NMNAT2: variants seen among roughly 807,000 people sequenced by gnomAD.
NMNAT2 encodes the protein nicotinamide nucleotide adenylyltransferase 2.
A neutral mutation model predicts 41.6 loss-of-function variants in NMNAT2; 11 were observed. That is an observed-to-expected ratio of 0.26 (90% CI 0.17 to 0.44). The LOEUF is 0.44. Ranked by LOEUF, NMNAT2 falls within the 20% of genes least tolerant of loss-of-function variation. The probability of loss-of-function intolerance (pLI) is 1.00; values close to 1 mark genes in which losing one functional copy is unlikely to be tolerated. For synonymous variants in NMNAT2, 148 were observed against 151.2 expected (o/e 0.98, Z 0.16); for missense variants, 288 against 407.7 (o/e 0.71, Z 2.53).
intron 1 of NMNAT2, among the ~76,000 whole-genome samples, chr1:183,331,004 TTCTCTCTC>T (rs1042033395): frequency 6.6e-6 from 1 of 152,046 alleles, no homozygotes; most frequent in Admixed American, 6.6e-5. Context: ...ATTTCTTTTT[TTCTCTCTC>T]TCTCCCCTCC....
chr1:183,279,985 G>A (rs1031340347), intron 7 of NMNAT2, among the ~76,000 whole-genome samples: 3 of 152,246 alleles, frequency 2.0e-5, no homozygotes, highest in Non-Finnish European at 4.4e-5. Context: ...TGACAACAGA[G>A]ATCCTGCAGG....
rs751140937 is a variant in NMNAT2 at position 183,281,733 on chromosome 1, G to C, written c.574+2262C>G. 6.4e-4 allele frequency among the ~76,000 whole-genome samples: 97 copies of C among 152,224 alleles called. 1 individual carries two copies. Among genetic ancestry groups the C allele is most frequent in the Non-Finnish European group, 1.8e-4 (12 of 68,040 alleles). On this transcript the variant is annotated intron_variant, in intron 7 of 10. Transcript: ENST00000287713. The stretch of plus-strand genomic sequence containing the variant: ...GCCCAACAGCCTGTGGTCTAGGGCA[G>C]CCCTGGAGGAGCAGTCAGCTGTTAG...
chr1:183,284,051 A>G lies in NMNAT2; in HGVS notation c.530-12T>C. On this transcript the variant is annotated splice_polypyrimidine_tract_variant and intron_variant, in intron 6 of 10. Coordinates refer to ENST00000287713, the MANE Select transcript of NMNAT2 (RefSeq NM_015039.4). ...ATTGGCATTCTCATCTAAGGAGGAA[A>G]GAAGGAAGGTAGGGCATTAGGGAAC... The G allele has an allele frequency of 2.5e-6, 4 of 1,609,682 alleles. No homozygotes were observed. The African/African-American group carries it at 5.3e-5, about 21-fold the overall frequency.
chr1:183,310,996 C>T (rs897579757), intron 1 of NMNAT2, among the ~76,000 whole-genome samples: 3 of 152,168 alleles, frequency 2.0e-5, no homozygotes, highest in African/African-American at 4.8e-5. Flanking sequence ...GCTACCCACG[C>T]GGTCGTAAGA....
At chr1:183,407,675 T>A (rs10797880) in intron 1 of NMNAT2, among the ~76,000 whole-genome samples, 12,189 of 152,236 alleles carry the variant, frequency 0.08, 531 homozygotes, top group Admixed American at 0.11. Flanking sequence ...CACAATGTGC[T>A]AAGTACTATA....
chr1:183,369,757 C>T (rs941156400), intron 1 of NMNAT2, among the ~76,000 whole-genome samples: 1 of 152,112 alleles, frequency 6.6e-6, no homozygotes, highest in Non-Finnish European at 1.5e-5. Context: ...TAAACACGAA[C>T]TCCCCATTCC....
rs1557897761 is a variant in NMNAT2 at position 183,389,828 on chromosome 1, GAAAGAAAGAAAGAA to G, written c.85+28341_85+28354del. The stretch of plus-strand genomic sequence containing the variant: ...AGAAAGAAAGAAAGAAAGAAAGAAA[GAAAGAAAGAAAGAA>G]AGGAAAAAAGAGAAAGAAAGAAAGA... On this transcript the variant is annotated intron_variant, in intron 1 of 10. Coordinates refer to ENST00000287713, the MANE Select transcript of NMNAT2 (RefSeq NM_015039.4). Among the ~76,000 whole-genome samples, 11 of 53,068 alleles carry G rather than the reference GAAAGAAAGAAAGAA, an allele frequency of 2.1e-4. 1 individual carries two copies. The highest frequency in any genetic ancestry group is 1.0e-3 in the East Asian group (1 of 964). The allele number at this position is 53,068 out of a possible 152,430, so 34.8% of individuals were successfully genotyped here.
At chr1:183,364,097 G>A (rs1557890185) in intron 1 of NMNAT2, among the ~76,000 whole-genome samples, 1 of 152,174 alleles carries the variant, frequency 6.6e-6, no homozygotes, top group African/African-American at 2.4e-5. Context: ...AATAAGCATT[G>A]AATGTGTGGC....
intron 8 of NMNAT2, among the ~76,000 whole-genome samples, chr1:183,278,220 A>C (rs1490357294): frequency 6.6e-6 from 1 of 152,188 alleles, no homozygotes; most frequent in African/African-American, 2.4e-5. Flanking sequence ...CAAAACACAC[A>C]ATAATCTTAA....
At chr1:183,416,759 A>T (rs978938665) in intron 1 of NMNAT2, among the ~76,000 whole-genome samples, 1 of 152,184 alleles carries the variant, frequency 6.6e-6, no homozygotes, top group Non-Finnish European at 1.5e-5. Flanking sequence ...AAGCGAGCCC[A>T]GTTCAGCGCA....
At chr1:183,390,486 T>G (rs1648447496) in intron 1 of NMNAT2, among the ~76,000 whole-genome samples, 1 of 152,178 alleles carries the variant, frequency 6.6e-6, no homozygotes, top group Non-Finnish European at 1.5e-5. Flanking sequence ...ACATCATAAT[T>G]GTCTCACATA....
intron 1 of NMNAT2, among the ~76,000 whole-genome samples, chr1:183,305,999 G>A (rs1335329443): frequency 6.6e-6 from 1 of 152,170 alleles, no homozygotes; most frequent in Non-Finnish European, 1.5e-5. Flanking sequence ...TGGGATTATA[G>A]GTGTGAGCCA....
intron 1 of NMNAT2, among the ~76,000 whole-genome samples, chr1:183,400,286 C>G (rs1199771531): frequency 6.6e-6 from 1 of 152,080 alleles, no homozygotes; most frequent in Non-Finnish European, 1.5e-5. Context: ...AACAAAGAGC[C>G]AAATCATGAG....
chr1:183,369,308 T>C (rs923309076), intron 1 of NMNAT2, among the ~76,000 whole-genome samples: 1 of 151,356 alleles, frequency 6.6e-6, no homozygotes, highest in Non-Finnish European at 1.5e-5. Flanking sequence ...GACGGCATCT[T>C]GCTCTGTTGC....
At chr1:183,389,762 A>AAGAC (rs1296278788) in intron 1 of NMNAT2, among the ~76,000 whole-genome samples, 1 of 30,090 alleles carries the variant, frequency 3.3e-5, no homozygotes, top group African/African-American at 1.1e-4. Flanking sequence ...GAAAGAAAGA[A>AAGAC]AGAAAGAAAG....
intron 1 of NMNAT2, among the ~76,000 whole-genome samples, chr1:183,360,807 G>A (rs1017332769): frequency 1.3e-5 from 2 of 152,164 alleles, no homozygotes; most frequent in African/African-American, 4.8e-5. Flanking sequence ...AGATCCTCCA[G>A]GATTATTTTT....
chr1:183,289,652 G>C (rs1355272721), intron 4 of NMNAT2, among the ~76,000 whole-genome samples: 1 of 152,224 alleles, frequency 6.6e-6, no homozygotes, highest in Non-Finnish European at 1.5e-5. Flanking sequence ...TGACTGGCAG[G>C]TGTGAAGTGC....
chr1:183,414,557 T>C (rs1411191947), intron 1 of NMNAT2, among the ~76,000 whole-genome samples: 1 of 152,254 alleles, frequency 6.6e-6, no homozygotes, highest in African/African-American at 2.4e-5. Context: ...GGCAGACCCA[T>C]GAGATATGAC....
At chr1:183,362,034 G>T (rs758079349) in intron 1 of NMNAT2, among the ~76,000 whole-genome samples, 3 of 152,120 alleles carry the variant, frequency 2.0e-5, no homozygotes, top group Non-Finnish European at 4.4e-5. Context: ...GACCCCTAAG[G>T]TTCAAGCGAT....
Sources: allele counts gnomAD v4.1 joint callset (sites outside exome capture counted in the v4.1 genomes callset), GRCh38; gene constraint gnomAD v4.1.1; transcripts MANE v1.5; gene names NCBI Gene and HGNC (gene_info 2026-07-23, HGNC 2026-07-21).